Variants in CGNL1 observed in about 807,000 individuals in gnomAD.
The protein encoded by CGNL1 is cingulin-like protein 1.
CGNL1 carries 132 observed loss-of-function variants against 141.2 expected under a neutral mutation model. The observed-to-expected ratio is 0.93, with a 90% CI of 0.81 to 1.08. The LOEUF is 1.08. Ranked by LOEUF, CGNL1 falls within the 50% of genes least tolerant of loss-of-function variation. The pLI, the probability that CGNL1 is intolerant of heterozygous loss-of-function variation, is 0.00. For synonymous variants in CGNL1, 690 were observed against 622.1 expected (o/e 1.11, Z -1.63); for missense variants, 1,870 against 1,588.6 (o/e 1.18, Z -3.01).
At chr15:57,456,048 C>G (rs1381817987) in intron 7 of CGNL1, among the ~76,000 whole-genome samples, 3 of 152,210 alleles carry the variant, frequency 2.0e-5, no homozygotes, top group Admixed American at 1.3e-4. Context: ...AAATCACCCT[C>G]TGTTTTTATC....
intron 8 of CGNL1, among the ~76,000 whole-genome samples, chr15:57,463,942 T>A (rs986493077): frequency 3.3e-5 from 5 of 152,216 alleles, no homozygotes; most frequent in Non-Finnish European, 7.3e-5. Flanking sequence ...TTCCTTCACC[T>A]TCCTTAGGGT....
At chr15:57,483,999 T>C (rs1415841803) in intron 8 of CGNL1, among the ~76,000 whole-genome samples, 2 of 152,194 alleles carry the variant, frequency 1.3e-5, no homozygotes, top group Non-Finnish European at 2.9e-5. Flanking sequence ...TTTGCTTGTA[T>C]TTTGTTAAGG....
chr15:57,545,059 A>C (rs28417250), intron 16 of CGNL1, among the ~76,000 whole-genome samples: 1,933 of 152,254 alleles, frequency 0.013, 40 homozygotes, highest in African/African-American at 0.044. Flanking sequence ...CATGGGATCA[A>C]GTGAGCACAC....
At chr15:57,546,309 G>A in intron 18 of CGNL1, 70 bp downstream of exon 18, 1 of 1,461,746 alleles carries the variant, frequency 6.8e-7, no homozygotes, top group Non-Finnish European at 9.1e-7. Context: ...TGCTTTCAGA[G>A]CATTCACACT....
rs764903538 is a variant in CGNL1, at chr15:57,524,679, G to T, written c.2967G>T (p.Met989Ile). 6.2e-7 allele frequency: 1 copy of T among 1,614,236 alleles called. No homozygotes were observed. The highest frequency in any genetic ancestry group is 8.5e-7 in the Non-Finnish European group (1 of 1,180,042). ...KEKNRRELAE[M>I]QRQLKEKTLE... ...AAAACCGCAGGGAGCTCGCAGAAAT[G>T]CAAAGACAGTTGAAGGAGAAAACGC... Residue 989 changes from methionine (M) to isoleucine (I), a missense_variant, in exon 12 of 19, where the codon ATG (methionine) becomes ATT (isoleucine). Met to Ile is a conservative substitution (Grantham distance 10). Coordinates refer to ENST00000281282, the MANE Select transcript of CGNL1 (RefSeq NM_032866.5).
chr15:57,414,407 ATAC>A (rs1555431971), intron 1 of CGNL1, among the ~76,000 whole-genome samples: 1 of 152,206 alleles, frequency 6.6e-6, no homozygotes, highest in Non-Finnish European at 1.5e-5. Flanking sequence ...CCCTTTATGT[ATAC>A]ACAGAAAATC....
At chr15:57,414,258 C>T (rs1172448707) in intron 1 of CGNL1, among the ~76,000 whole-genome samples, 3 of 152,058 alleles carry the variant, frequency 2.0e-5, no homozygotes, top group Admixed American at 6.6e-5. Flanking sequence ...TCAGAGGCTC[C>T]GAAGAAGGCA....
intron 8 of CGNL1, among the ~76,000 whole-genome samples, chr15:57,502,650 C>T (rs1435875892): frequency 6.6e-6 from 1 of 152,140 alleles, no homozygotes; most frequent in Non-Finnish European, 1.5e-5. Flanking sequence ...GACCTCAGAC[C>T]AGTGTGCTCA....
At chr15:57,416,917 A>G (rs1427954638) in intron 1 of CGNL1, among the ~76,000 whole-genome samples, 3 of 152,124 alleles carry the variant, frequency 2.0e-5, no homozygotes, top group African/African-American at 7.2e-5. Context: ...CTACAATAGT[A>G]GCTGTTGTAT....
intron 7 of CGNL1, among the ~76,000 whole-genome samples, chr15:57,460,618 G>T (rs1040063697): frequency 2.0e-5 from 3 of 152,152 alleles, no homozygotes; most frequent in South Asian, 4.1e-4. Flanking sequence ...TCTTCACAAG[G>T]CAACAGGAGA....
At chr15:57,428,334 C>T (rs532483630) in intron 1 of CGNL1, among the ~76,000 whole-genome samples, 1 of 152,204 alleles carries the variant, frequency 6.6e-6, no homozygotes, top group Non-Finnish European at 1.5e-5. Flanking sequence ...AATCTTGGTG[C>T]TGCCCCTGGC....
chr15:57,481,459 C>G (rs1006604262), intron 8 of CGNL1, among the ~76,000 whole-genome samples: 1 of 152,102 alleles, frequency 6.6e-6, no homozygotes, highest in South Asian at 2.1e-4. Flanking sequence ...TTGGAATTGG[C>G]TTTTTTCTCT....
chr15:57,442,572 G>A, intron 4 of CGNL1, 94 bp downstream of exon 4: 2 of 750,824 alleles, frequency 2.7e-6, no homozygotes, highest in Non-Finnish European at 4.6e-6. Context: ...GTTTATAGCA[G>A]TAAGTGGGAA....
At chr15:57,488,963 C>T (rs2152375022) in intron 8 of CGNL1, among the ~76,000 whole-genome samples, 1 of 152,288 alleles carries the variant, frequency 6.6e-6, no homozygotes, top group South Asian at 2.1e-4. Flanking sequence ...TGTTCAAGGA[C>T]CTCTCACAAC....
Position 57,528,826 on chromosome 15 carries a change from C to T in CGNL1, c.3201+11C>T, listed in dbSNP as rs545428114. 23 of 1,612,536 alleles carry T rather than the reference C, an allele frequency of 1.4e-5. No homozygotes were observed. The highest frequency in any genetic ancestry group is 5.3e-5 in the African/African-American group (4 of 74,960). On this transcript the variant is annotated intron_variant, in intron 13 of 18. Transcript: ENST00000281282. ...GTCAAGCAGATGGAGGTCTGTGGGC[C>T]GTACAGTGTGAGCTGGGGGACCTGC... is the stretch of plus-strand genomic sequence containing the variant.
At chr15:57,452,942 C>T (rs1011271709) in intron 6 of CGNL1, among the ~76,000 whole-genome samples, 17 of 152,068 alleles carry the variant, frequency 1.1e-4, no homozygotes, top group African/African-American at 4.1e-4. Flanking sequence ...TTTGATTGTC[C>T]TTGCAGTTTT....
intron 8 of CGNL1, among the ~76,000 whole-genome samples, chr15:57,509,935 T>A (rs1190962544): frequency 6.6e-6 from 1 of 152,194 alleles, no homozygotes; most frequent in Admixed American, 6.5e-5. Context: ...GACTGGGAAA[T>A]GGGGCTAAGA....
At chr15:57,465,624 C>T (rs541578117) in intron 8 of CGNL1, among the ~76,000 whole-genome samples, 3 of 151,622 alleles carry the variant, frequency 2.0e-5, no homozygotes, top group African/African-American at 7.2e-5. Context: ...CCCCTGACCT[C>T]AGGGGATCCG....
chr15:57,445,918 ATATTTTGTAATAGACTCTCT>A (rs1419234488), intron 4 of CGNL1, among the ~76,000 whole-genome samples: 4 of 152,220 alleles, frequency 2.6e-5, no homozygotes, highest in Non-Finnish European at 5.9e-5. Context: ...CAGAGAGATA[ATATTTTGTAATAGACTCTCT>A]TCAATCAGAT....
Sources: gnomAD v4.1 joint callset for allele counts (sites outside exome capture counted in the v4.1 genomes callset) on GRCh38, gnomAD v4.1.1 for gene constraint, MANE v1.5 for transcripts, NCBI Gene and HGNC (gene_info 2026-07-23, HGNC 2026-07-21) for gene names.